TMEM132B: variants seen among roughly 807,000 people sequenced by gnomAD.
TMEM132B encodes the protein transmembrane protein 132B.
In TMEM132B, 18 loss-of-function variants were observed where a neutral mutation model predicts 90.8. The ratio of observed to expected loss-of-function variants is 0.20; its 90% CI spans 0.14 to 0.29. The LOEUF (loss-of-function observed/expected upper bound fraction) is 0.29. Among genes scored for constraint, TMEM132B ranks in the 10% least tolerant of loss-of-function variants. The pLI, the probability that TMEM132B is intolerant of heterozygous loss-of-function variation, is 1.00. For synonymous variants in TMEM132B, 504 were observed against 523.3 expected, an observed-to-expected ratio of 0.96 and a Z score of 0.50; for missense variants, 1,096 against 1,326.8, an observed-to-expected ratio of 0.83 and a Z score of 2.70.
intron 1 of TMEM132B, among the ~76,000 whole-genome samples, chr12:125,231,356 C>T (rs935249659): frequency 2.0e-5 from 3 of 152,070 alleles, no homozygotes; most frequent in African/African-American, 4.8e-5. Flanking sequence ...ATTTTCTGGG[C>T]GGACATGAGT....
At chr12:125,405,440 T>C (rs1265452376) in intron 2 of TMEM132B, among the ~76,000 whole-genome samples, 1 of 152,210 alleles carries the variant, frequency 6.6e-6, no homozygotes, top group Non-Finnish European at 1.5e-5. Context: ...TAAGGTCACA[T>C]TGTGAGGTTC....
intron 4 of TMEM132B, among the ~76,000 whole-genome samples, chr12:125,568,569 G>A (rs895500474): frequency 5.9e-5 from 9 of 152,120 alleles, no homozygotes; most frequent in African/African-American, 2.2e-4. Flanking sequence ...TCACTCTGCC[G>A]CCTTATATTC....
Position 125,628,202 on chromosome 12 carries a change from T to G in TMEM132B, c.1438-15874T>G, listed in dbSNP as rs572309523. On this transcript the variant is annotated intron_variant, in intron 5 of 8. Coordinates refer to ENST00000682704, the MANE Select transcript of TMEM132B (RefSeq NM_001366854.1). ...TGCTGGACTATATGATAGCTCAACTTTTAGGATTTAGAGGAACTTCCAAAT... is the reference window on the plus strand; with the variant it reads ...TGCTGGACTATATGATAGCTCAACTGTTAGGATTTAGAGGAACTTCCAAAT... Among the ~76,000 whole-genome samples, 12 of 152,282 alleles carry G rather than the reference T, an allele frequency of 7.9e-5. No homozygotes were observed. The South Asian group carries it at 2.3e-3, about 29-fold the overall frequency.
intron 1 of TMEM132B, among the ~76,000 whole-genome samples, chr12:125,343,796 G>A (rs1344686963): frequency 6.6e-6 from 1 of 152,098 alleles, no homozygotes; most frequent in Non-Finnish European, 1.5e-5. Context: ...CAGCTCTTTG[G>A]TTGGCAAACA....
At chr12:125,465,127 A>T (rs1881530756) in intron 3 of TMEM132B, among the ~76,000 whole-genome samples, 1 of 152,202 alleles carries the variant, frequency 6.6e-6, no homozygotes, top group Non-Finnish European at 1.5e-5. Context: ...AATCCCTCAA[A>T]ATCCTAGCTC....
chr12:125,327,068 C>T lies in TMEM132B; in HGVS notation c.68-22384C>T, dbSNP rs369247957. Among the ~76,000 whole-genome samples, 81 of 152,164 alleles carry T rather than the reference C, an allele frequency of 5.3e-4. 1 individual carries two copies. In the South Asian group the frequency reaches 0.016, roughly 31 times the overall value. On this transcript the variant is annotated intron_variant, in intron 1 of 8. Transcript: ENST00000682704. ...CTGCTAGACCTTTCCACCAAAACCT[C>T]TCTCCACCAAAGCCTCTCTCCACCA...
chr12:125,465,655 T>C (rs1881543345), intron 3 of TMEM132B, among the ~76,000 whole-genome samples: 1 of 152,216 alleles, frequency 6.6e-6, no homozygotes, highest in African/African-American at 2.4e-5. Flanking sequence ...CTTAGCTGCA[T>C]CTCCAGTGGA....
At chr12:125,642,193 GC>G (rs539775913) in intron 5 of TMEM132B, among the ~76,000 whole-genome samples, 4 of 152,254 alleles carry the variant, frequency 2.6e-5, no homozygotes, top group African/African-American at 9.6e-5. Context: ...TAAATGGATG[GC>G]AGTCAGGCTC....
chr12:125,200,876 C>A (rs1258565487), intron 1 of TMEM132B, among the ~76,000 whole-genome samples: 1 of 152,160 alleles, frequency 6.6e-6, no homozygotes, highest in African/African-American at 2.4e-5. Flanking sequence ...TGGCTGTGGA[C>A]AATTCTCAGA....
At chr12:125,203,460 A>T (rs1219588393) in intron 1 of TMEM132B, among the ~76,000 whole-genome samples, 1 of 152,244 alleles carries the variant, frequency 6.6e-6, no homozygotes, top group African/African-American at 2.4e-5. Context: ...AGCTGATCAG[A>T]GGTAGAGCTT....
chr12:125,387,512 A>G (rs114095487), intron 2 of TMEM132B, among the ~76,000 whole-genome samples: 53 of 152,336 alleles, frequency 3.5e-4, no homozygotes, highest in African/African-American at 1.3e-3. Flanking sequence ...TTCACATGTC[A>G]CAGGTCTGTA....
intron 4 of TMEM132B, among the ~76,000 whole-genome samples, chr12:125,525,462 C>A (rs575081027): frequency 9.0e-4 from 137 of 152,274 alleles, no homozygotes; most frequent in African/African-American, 3.2e-3. Context: ...TTCCGCCATG[C>A]GAGGACATGG....
intron 1 of TMEM132B, among the ~76,000 whole-genome samples, chr12:125,273,644 C>G (rs1215985384): frequency 6.6e-6 from 1 of 152,140 alleles, no homozygotes; most frequent in Non-Finnish European, 1.5e-5. Flanking sequence ...GATGTACATA[C>G]AGTAACAGCA....
chr12:125,495,664 C>A (rs1882542675), intron 3 of TMEM132B, among the ~76,000 whole-genome samples: 1 of 152,198 alleles, frequency 6.6e-6, no homozygotes, highest in Non-Finnish European at 1.5e-5. Context: ...GGGATCACTG[C>A]AGATTTGCCA....
In TMEM132B at chr12:125,658,552, C is replaced by T. The variant is rs1043214557; in HGVS notation, c.*3842C>T. 3 of 152,196 alleles carry T rather than the reference C, an allele frequency of 2.0e-5. No homozygotes were observed. Among genetic ancestry groups the T allele is most frequent in the East Asian group, 1.9e-4 (1 of 5,202 alleles). The allele number at this position is 152,196 out of a possible 1,614,324, so 9.4% of individuals were successfully genotyped here. A position where few individuals can be genotyped will look rare whatever the true frequency, so the allele number is the denominator to read the frequency against. On this transcript the variant is annotated 3_prime_UTR_variant, in exon 9 of 9. Coordinates refer to ENST00000682704, the MANE Select transcript of TMEM132B (RefSeq NM_001366854.1). The stretch of plus-strand genomic sequence containing the variant: ...AATAGATGGTTTATAGACTCAGCAG[C>T]CCTCACCTTTTATTAAAATTATATA...
intron 6 of TMEM132B, among the ~76,000 whole-genome samples, chr12:125,648,736 C>G (rs1251991203): frequency 2.0e-5 from 3 of 152,040 alleles, no homozygotes; most frequent in African/African-American, 7.2e-5. Flanking sequence ...GAAACACAAG[C>G]CTAGTGGTGT....
At chr12:125,330,377 T>G (rs2136202892) in intron 1 of TMEM132B, among the ~76,000 whole-genome samples, 1 of 151,532 alleles carries the variant, frequency 6.6e-6, no homozygotes, top group East Asian at 1.9e-4. Context: ...ATTTTATTTA[T>G]CTATAGTTAT....
chr12:125,316,849 T>C (rs988910605), intron 1 of TMEM132B, among the ~76,000 whole-genome samples: 2 of 152,150 alleles, frequency 1.3e-5, no homozygotes, highest in African/African-American at 4.8e-5. Context: ...TTACTCTGAG[T>C]CAAATGGGAG....
intron 1 of TMEM132B, among the ~76,000 whole-genome samples, chr12:125,275,885 T>A (rs971704845): frequency 6.6e-6 from 1 of 152,136 alleles, no homozygotes; most frequent in African/African-American, 2.4e-5. Context: ...GGCTAATTTT[T>A]TAAGTTTTTG....
Sources: allele counts gnomAD v4.1 joint callset (sites outside exome capture counted in the v4.1 genomes callset), GRCh38; gene constraint gnomAD v4.1.1; transcripts MANE v1.5; gene names NCBI Gene and HGNC (gene_info 2026-07-23, HGNC 2026-07-21).